The following SLC25A25 variants were observed in gnomAD, a reference collection of about 807,000 sequenced individuals.
The protein encoded by SLC25A25 is solute carrier family 25 member 25, also known as mitochondrial adenyl nucleotide antiporter SLC25A25.
SLC25A25 carries 32 observed loss-of-function variants against 57.7 expected under a neutral mutation model. The ratio of observed to expected loss-of-function variants is 0.55; its 90% CI spans 0.42 to 0.74. The LOEUF is 0.74. Among genes scored for constraint, SLC25A25 ranks in the 30% least tolerant of loss-of-function variants. SLC25A25 has a pLI of 0.00. For missense variants in SLC25A25, 556 were observed against 701.3 expected, an observed-to-expected ratio of 0.79 and a Z score of 2.34; for synonymous variants, 306 against 291.2, an observed-to-expected ratio of 1.05 and a Z score of -0.52.
intron 7 of SLC25A25, 88 bp from the exon 8 acceptor site, chr9:128,106,062 A>C: frequency 6.4e-7 from 1 of 1,571,792 alleles, no homozygotes; most frequent in Non-Finnish European, 8.7e-7. Flanking sequence ...GTAGCATAAA[A>C]TGTGCCGGGG....
At chr9:128,074,751 G>C (rs1832974786) in intron 1 of SLC25A25, among the ~76,000 whole-genome samples, 1 of 152,064 alleles carries the variant, frequency 6.6e-6, no homozygotes, top group Non-Finnish European at 1.5e-5. Context: ...TGGCCATGAT[G>C]GCACTTTATG....
intron 1 of SLC25A25, among the ~76,000 whole-genome samples, chr9:128,093,919 G>A (rs1354658317): frequency 6.6e-6 from 1 of 152,190 alleles, no homozygotes; most frequent in Non-Finnish European, 1.5e-5. Flanking sequence ...GGAGTCTGAG[G>A]TGGACAGATC....
In SLC25A25 at chr9:128,099,373, G is replaced by A. The variant is rs1322736017; in HGVS notation, c.262-1723G>A. The A allele has an allele frequency of 1.6e-6, 2 of 1,213,166 alleles. No individual in the cohort carries two copies. The highest frequency in any genetic ancestry group is 6.2e-5 in the Admixed American group (2 of 32,190). 75.2% of individuals were successfully genotyped at this position (1,213,166 alleles called of 1,614,324 possible). A position where few individuals can be genotyped will look rare whatever the true frequency, so the allele number is the denominator to read the frequency against. On this transcript the variant is annotated intron_variant, in intron 1 of 10. Coordinates refer to ENST00000373069, the MANE Select transcript of SLC25A25 (RefSeq NM_001330988.2). The surrounding 1 kb of genome is among the most constrained non-coding windows in gnomAD (Gnocchi z 6.8). ...GAAGCAAGCACTTTGAGAATGCGTT[G>A]AAGCCAGCTGCGGTGAGCACACCCT...
intron 1 of SLC25A25, among the ~76,000 whole-genome samples, chr9:128,076,319 CG>C (rs1416469175): frequency 1.3e-5 from 2 of 151,422 alleles, no homozygotes; most frequent in Admixed American, 1.3e-4. Flanking sequence ...TTTGTAGAGA[CG>C]GGGTTTTCCT....
Position 128,106,345 on chromosome 9 carries a change from T to C in SLC25A25, c.1045-8T>C. 6.2e-7 allele frequency: 1 copy of C among 1,613,742 alleles called. No homozygotes were observed. The highest frequency in any genetic ancestry group is 8.5e-7 in the Non-Finnish European group (1 of 1,179,792). On this transcript the variant is annotated splice_region_variant and splice_polypyrimidine_tract_variant and intron_variant, in intron 8 of 10. Transcript: ENST00000373069. Reference sequence around the variant, plus strand: ...GTGCTCACGCGTCCCGCTGCTCCTGTTGTGCAGGTCCTGAAGACCCGGATG... The same window carrying C: ...GTGCTCACGCGTCCCGCTGCTCCTGCTGTGCAGGTCCTGAAGACCCGGATG...
intron 1 of SLC25A25, among the ~76,000 whole-genome samples, chr9:128,092,659 C>T (rs145866412): frequency 5.9e-5 from 9 of 152,272 alleles, no homozygotes; most frequent in South Asian, 2.1e-4. Context: ...GCGGCCGCTG[C>T]GGGTCTGCCA....
chr9:128,077,705 G>A (rs1833049783), intron 1 of SLC25A25, among the ~76,000 whole-genome samples: 1 of 151,932 alleles, frequency 6.6e-6, no homozygotes, highest in African/African-American at 2.4e-5. Flanking sequence ...ATATTCTCAA[G>A]TTGACTGGAG....
chr9:128,068,958 C>T (rs752787607), intron 1 of SLC25A25, among the ~76,000 whole-genome samples: 4 of 152,178 alleles, frequency 2.6e-5, no homozygotes, highest in Admixed American at 6.5e-5. Context: ...CCAGCAGCAC[C>T]CCCTCCTTTC....
chr9:128,106,004 GGGCGAGGCAGGA>G, intron 7 of SLC25A25, 123 bp downstream of exon 7: 3 of 1,532,354 alleles, frequency 2.0e-6, no homozygotes, highest in Non-Finnish European at 2.7e-6. Flanking sequence ...AGGGACAGCA[GGGCGAGGCAGGA>G]GGCCCAGGCT....
At chr9:128,089,796 G>A (rs796539688) in intron 1 of SLC25A25, among the ~76,000 whole-genome samples, 10 of 152,000 alleles carry the variant, frequency 6.6e-5, no homozygotes, top group African/African-American at 2.2e-4. Context: ...ACGATGCCTG[G>A]CTATTTTTTT....
Position 128,095,172 on chromosome 9 carries a change from A to G in SLC25A25, c.262-5924A>G, listed in dbSNP as rs1049603243. On this transcript the variant is annotated intron_variant, in intron 1 of 10. Transcript: ENST00000373069. The surrounding 1 kb of genome is among the most constrained non-coding windows in gnomAD (Gnocchi z 4.4). ...ATTTAGCTAGGGCTCAACTTGCTCAAGTTACACCTTTCCCACACACCTGCC... is the reference window on the plus strand; with the variant it reads ...ATTTAGCTAGGGCTCAACTTGCTCAGGTTACACCTTTCCCACACACCTGCC... Among the ~76,000 whole-genome samples, 10 of 152,224 alleles carry G rather than the reference A, an allele frequency of 6.6e-5. No individual in the cohort carries two copies. Among genetic ancestry groups the G allele is most frequent in the Non-Finnish European group, 1.3e-4 (9 of 68,040 alleles).
In SLC25A25 at chr9:128,102,492, C is replaced by T. The variant is rs573080345; in HGVS notation, c.624+11C>T. 35 of 1,606,652 alleles carry T rather than the reference C, an allele frequency of 2.2e-5. No homozygotes were observed. Among genetic ancestry groups the T allele is most frequent in the African/African-American group, 4.0e-5 (3 of 74,842 alleles). ...TGGAAGCATTCCACGGTGAGCCCCA[C>T]GTGCCCAGGGCCCTCATCTGCTCCC... On this transcript the variant is annotated intron_variant, in intron 5 of 10. Coordinates refer to ENST00000373069, the MANE Select transcript of SLC25A25 (RefSeq NM_001330988.2). This position sits in a 1 kb window ranked among gnomAD's most constrained non-coding sequence, Gnocchi z 4.1.
At chr9:128,068,679 A>G (rs1832835838) in intron 1 of SLC25A25, 99 bp downstream of exon 1, 1 of 1,282,664 alleles carries the variant, frequency 7.8e-7, no homozygotes, top group Non-Finnish European at 1.0e-6. Flanking sequence ...CGGAACCCCC[A>G]CTGTCCAGAG....
At chr9:128,079,603 C>CAAAA (rs531439672) in intron 1 of SLC25A25, among the ~76,000 whole-genome samples, 1 of 48,058 alleles carries the variant, frequency 2.1e-5, no homozygotes, top group Non-Finnish European at 4.5e-5. Context: ...ACTAAAAATA[C>CAAAA]AAAAAAAAAA....
At chr9:128,074,393 C>G (rs1464098286) in intron 1 of SLC25A25, among the ~76,000 whole-genome samples, 1 of 151,888 alleles carries the variant, frequency 6.6e-6, no homozygotes, top group Non-Finnish European at 1.5e-5. Context: ...AGTCCCATAC[C>G]CTGATCCTAA....
At chr9:128,088,599 CGTTTGT>C in intron 1 of SLC25A25, among the ~76,000 whole-genome samples, 1 of 152,154 alleles carries the variant, frequency 6.6e-6, no homozygotes, top group Non-Finnish European at 1.5e-5. Flanking sequence ...CTCCTGGCTT[CGTTTGT>C]ATACATTGTA....
intron 1 of SLC25A25, among the ~76,000 whole-genome samples, chr9:128,086,834 G>A (rs1833286545): frequency 6.6e-6 from 1 of 152,144 alleles, no homozygotes; most frequent in African/African-American, 2.4e-5. Flanking sequence ...TTTGAGCTGT[G>A]GTCCTCATGC....
chr9:128,099,384 C>T lies in SLC25A25; in HGVS notation c.262-1712C>T, dbSNP rs1303264208. 2.5e-6 allele frequency: 3 copies of T among 1,195,926 alleles called. No individual in the cohort carries two copies. The highest frequency in any genetic ancestry group is 1.6e-4 in the East Asian group (2 of 12,692). The allele number at this position is 1,195,926 out of a possible 1,614,324, so 74.1% of individuals were successfully genotyped here. On this transcript the variant is annotated intron_variant, in intron 1 of 10. Transcript: ENST00000373069. The surrounding 1 kb of genome is among the most constrained non-coding windows in gnomAD (Gnocchi z 6.8). The stretch of plus-strand genomic sequence containing the variant: ...TTTGAGAATGCGTTGAAGCCAGCTG[C>T]GGTGAGCACACCCTCTGCTCTGGGT...
At position 128,068,434 on chromosome 9, in the gene SLC25A25, G is replaced by T; in HGVS notation, c.115G>T (p.Ala39Ser). ...GTCCGTGGGGGACCCCTGCGGCGGC[G>T]CTATCTGCGGGGGCCCGGACCACCG... Reference protein sequence around the residue: ...PASVGDPCGGAICGGPDHRLR... With the variant: ...PASVGDPCGGSICGGPDHRLR... Residue 39 changes from alanine (A) to serine (S), a missense_variant, in exon 1 of 11, where the codon GCT becomes TCT. Coordinates refer to ENST00000373069, the MANE Select transcript of SLC25A25 (RefSeq NM_001330988.2). The T allele has an allele frequency of 6.4e-7, 1 of 1,557,848 alleles. No homozygotes were observed. Among genetic ancestry groups the T allele is most frequent in the Admixed American group, 1.9e-5 (1 of 53,196 alleles).
Sources: allele counts gnomAD v4.1 joint callset (sites outside exome capture counted in the v4.1 genomes callset), GRCh38; gene constraint gnomAD v4.1.1; non-coding constraint Gnocchi (gnomAD v3.1); transcripts MANE v1.5; gene names NCBI Gene and HGNC (gene_info 2026-07-23, HGNC 2026-07-21).